ADGRA3: variants seen among roughly 807,000 people sequenced by gnomAD.
ADGRA3 encodes G-protein coupled receptor 125.
ADGRA3 carries 56 observed loss-of-function variants against 119.8 expected under a neutral mutation model. The ratio of observed to expected loss-of-function variants is 0.47; its 90% CI spans 0.38 to 0.58. ADGRA3 has a LOEUF of 0.58. Among genes scored for constraint, ADGRA3 ranks in the 20% least tolerant of loss-of-function variants. ADGRA3 has a pLI of 0.00. For synonymous variants in ADGRA3, 607 were observed against 623.8 expected (o/e 0.97, Z 0.40); for missense variants, 1,516 against 1,649.0 (o/e 0.92, Z 1.40).
chr4:22,443,715 T>C (rs1233668342), intron 6 of ADGRA3, among the ~76,000 whole-genome samples: 9 of 152,140 alleles, frequency 5.9e-5, no homozygotes, highest in Admixed American at 5.9e-4. Flanking sequence ...TAAAATATCA[T>C]TAGAGTGTAA....
intron 1 of ADGRA3, 159 bp downstream of exon 1, chr4:22,515,369 G>C (rs949990305): frequency 3.8e-6 from 3 of 796,296 alleles, no homozygotes; most frequent in Admixed American, 4.0e-5. Flanking sequence ...TCCCTGAACT[G>C]CACCCATGCC....
intron 3 of ADGRA3, among the ~76,000 whole-genome samples, chr4:22,460,914 C>T (rs1717423054): frequency 6.6e-6 from 1 of 152,178 alleles, no homozygotes; most frequent in African/African-American, 2.4e-5. Context: ...AGAGACAGTC[C>T]TCATGGCTTT....
At chr4:22,404,697 G>A (rs1714822455) in intron 14 of ADGRA3, among the ~76,000 whole-genome samples, 1 of 152,164 alleles carries the variant, frequency 6.6e-6, no homozygotes, top group Non-Finnish European at 1.5e-5. Flanking sequence ...AGAAAAGCGT[G>A]TCAGGACCAA....
intron 1 of ADGRA3, among the ~76,000 whole-genome samples, chr4:22,507,409 G>A (rs951729576): frequency 6.6e-6 from 1 of 152,180 alleles, no homozygotes; most frequent in African/African-American, 2.4e-5. Flanking sequence ...GCAGCTGAAT[G>A]GAAAAATAAG....
chr4:22,480,434 G>C (rs1718226250), intron 1 of ADGRA3, among the ~76,000 whole-genome samples: 1 of 152,140 alleles, frequency 6.6e-6, no homozygotes, highest in African/African-American at 2.4e-5. Flanking sequence ...AGCTACTCAG[G>C]AGGTGAAGGT....
At chr4:22,464,996 T>C (rs1486110238) in intron 2 of ADGRA3, among the ~76,000 whole-genome samples, 1 of 152,204 alleles carries the variant, frequency 6.6e-6, no homozygotes, top group East Asian at 1.9e-4. Context: ...AACCAGCCGG[T>C]ACCCAGGCCA....
At chr4:22,496,250 C>T (rs913821882) in intron 1 of ADGRA3, among the ~76,000 whole-genome samples, 3 of 152,058 alleles carry the variant, frequency 2.0e-5, no homozygotes, top group Admixed American at 2.0e-4. Flanking sequence ...TGGGCTGACT[C>T]GGCTCAAGTC....
intron 4 of ADGRA3, among the ~76,000 whole-genome samples, chr4:22,449,930 C>T (rs1238682633): frequency 2.0e-5 from 3 of 151,920 alleles, no homozygotes; most frequent in Non-Finnish European, 2.9e-5. Flanking sequence ...TTGGAAATCG[C>T]AAAGGAAGGG....
chr4:22,396,715 G>A (rs1714370078), intron 16 of ADGRA3, among the ~76,000 whole-genome samples: 1 of 152,050 alleles, frequency 6.6e-6, no homozygotes, highest in Non-Finnish European at 1.5e-5. Flanking sequence ...TTTCATCAAA[G>A]GGAAACACAT....
rs1188365810 is a variant in ADGRA3 at position 22,515,721 on chromosome 4, A to C, written c.64T>G (p.Leu22Val). The C allele has an allele frequency of 9.5e-7, 1 of 1,057,568 alleles. No homozygotes were observed. The highest frequency in any genetic ancestry group is 1.1e-6 in the Non-Finnish European group (1 of 882,338). The allele number at this position is 1,057,568 out of a possible 1,614,324, so 65.5% of individuals were successfully genotyped here. The stretch of plus-strand genomic sequence containing the variant: ...CCTCCCAGCAGCGCGAGCAGCGCTA[A>C]CAGCGAGAGCGGCAGCAACAGCGGC... Reference protein sequence around the residue: ...QPPLLLPLSLLALLALLGGGG... With the variant: ...QPPLLLPLSLVALLALLGGGG... The change falls in exon 1 of 19, where the codon TTA (leucine) becomes GTA (valine). Residue 22 changes from leucine to valine, a missense_variant. Coordinates refer to ENST00000334304, the MANE Select transcript of ADGRA3 (RefSeq NM_145290.4).
intron 3 of ADGRA3, among the ~76,000 whole-genome samples, chr4:22,456,266 A>G (rs142655969): frequency 1.6e-4 from 24 of 152,266 alleles, no homozygotes; most frequent in African/African-American, 5.3e-4. Flanking sequence ...AGAGGCCTCA[A>G]TGGCTGGTGA....
chr4:22,471,058 A>AAGACATAGGAG (rs1717843298), intron 2 of ADGRA3, among the ~76,000 whole-genome samples: 1 of 152,074 alleles, frequency 6.6e-6, no homozygotes, highest in Admixed American at 6.6e-5. Context: ...TTTCATTTGG[A>AAGACATAGGAG]AGACATAGGA....
At chr4:22,458,365 C>A (rs577615967) in intron 3 of ADGRA3, among the ~76,000 whole-genome samples, 1 of 152,150 alleles carries the variant, frequency 6.6e-6, no homozygotes, top group Non-Finnish European at 1.5e-5. Context: ...TGCTCCATAT[C>A]CCCTGCCTGT....
At chr4:22,497,782 AG>A (rs1560347180) in intron 1 of ADGRA3, among the ~76,000 whole-genome samples, 2 of 118,146 alleles carry the variant, frequency 1.7e-5, no homozygotes, top group Admixed American at 8.7e-5. Context: ...AAAAAAAAAA[AG>A]GGATCAAGTG....
At chr4:22,472,341 T>A (rs1043974288) in intron 2 of ADGRA3, among the ~76,000 whole-genome samples, 1 of 152,152 alleles carries the variant, frequency 6.6e-6, no homozygotes, top group Admixed American at 6.5e-5. Flanking sequence ...TTCCTGATAG[T>A]CCCAAATGTC....
intron 17 of ADGRA3, among the ~76,000 whole-genome samples, chr4:22,389,959 G>A (rs1024164144): frequency 1.5e-4 from 23 of 152,060 alleles, no homozygotes; most frequent in Non-Finnish European, 2.9e-5. Flanking sequence ...GGTGGATAAA[G>A]GCAATATCTC....
Position 22,401,539 on chromosome 4 carries a change from G to A in ADGRA3, c.2373C>T (p.Ser791=). ...YIYHHSLIRI[S]LKSWHMLVNL... ...TCACAAGCATGTGCCAGCTCTTGAG[G>A]CTGATTCTAATCAAACTGTTTAAAA... is the stretch of plus-strand genomic sequence containing the variant. Residue 791 remains serine, a synonymous_variant, in exon 16 of 19, where the codon AGC becomes AGT. Transcript: ENST00000334304. 6.2e-7 allele frequency: 1 copy of A among 1,604,154 alleles called. No individual in the cohort carries two copies. Among genetic ancestry groups the A allele is most frequent in the Non-Finnish European group, 8.5e-7 (1 of 1,173,984 alleles).
chr4:22,477,771 A>G (rs1459922516), intron 1 of ADGRA3: 2 of 152,228 alleles, frequency 1.3e-5, no homozygotes, highest in East Asian at 3.9e-4. Flanking sequence ...TTAAAAATAC[A>G]GTTTACAACC....
In ADGRA3 at chr4:22,425,471, G is replaced by A. The variant is rs1391356741; in HGVS notation, c.1444-1119C>T. The stretch of plus-strand genomic sequence containing the variant: ...TGAGAGAAATAAATTGAACCGTCTA[G>A]GGCTAATGAGACGTACTGGTGTCAA... On this transcript the variant is annotated intron_variant, in intron 10 of 18. Coordinates refer to ENST00000334304, the MANE Select transcript of ADGRA3 (RefSeq NM_145290.4). Among the ~76,000 whole-genome samples, 3 of 152,286 alleles carry A rather than the reference G, an allele frequency of 2.0e-5. No individual in the cohort carries two copies. The East Asian group carries it at 5.8e-4, about 29-fold the overall frequency.
Sources: gnomAD v4.1 joint callset for allele counts (sites outside exome capture counted in the v4.1 genomes callset) on GRCh38, gnomAD v4.1.1 for gene constraint, MANE v1.5 for transcripts, NCBI Gene and HGNC (gene_info 2026-07-23, HGNC 2026-07-21) for gene names.